ZKSCAN5: variants seen among roughly 807,000 people sequenced by gnomAD.
ZKSCAN5 encodes the protein zinc finger protein with KRAB and SCAN domains 5.
In ZKSCAN5, 28 loss-of-function variants were observed where a neutral mutation model predicts 60.0. The ratio of observed to expected loss-of-function variants is 0.47; its 90% confidence interval spans 0.35 to 0.64. The LOEUF is 0.64. Ranked by LOEUF, ZKSCAN5 falls within the 30% of genes least tolerant of loss-of-function variation. The pLI is 0.01. For synonymous variants in ZKSCAN5, 361 were observed against 371.2 expected (o/e 0.97, Z 0.31); for missense variants, 881 against 1,034.6 (o/e 0.85, Z 2.04).
Position 99,531,123 on chromosome 7 carries a change from G to A in ZKSCAN5, c.1394G>A (p.Ser465Asn), listed in dbSNP as rs115742971. 47 of 1,584,958 alleles carry A rather than the reference G, an allele frequency of 3.0e-5. No homozygotes were observed. In the African/African-American group the frequency reaches 5.1e-4, roughly 17 times the overall value. The change falls in exon 7 of 7, where the codon AGT (serine) becomes AAT (asparagine). Residue 465 changes from serine to asparagine, a missense_variant. Coordinates refer to ENST00000326775, the MANE Select transcript of ZKSCAN5 (RefSeq NM_145102.4). Reference protein sequence around the residue: ...EKSQRCSDKRSKNTKLSVKKK... With the variant: ...EKSQRCSDKRNKNTKLSVKKK... ...TTTTTTTTAGGCAGTGACAAAAGAA[G>A]TAAGAACACAAAATTAAGTGTTAAG...
chr7:99,507,595 G>GTATATA (rs1279388956), intron 2 of ZKSCAN5, among the ~76,000 whole-genome samples: 1 of 148,864 alleles, frequency 6.7e-6, no homozygotes, highest in East Asian at 1.9e-4. Flanking sequence ...ATGTGTGTGT[G>GTATATA]TATATATATA....
intron 6 of ZKSCAN5, among the ~76,000 whole-genome samples, chr7:99,528,004 C>G (rs538651151): frequency 6.6e-6 from 1 of 151,800 alleles, no homozygotes; most frequent in Non-Finnish European, 1.5e-5. Flanking sequence ...TTTTAAACAT[C>G]TGTTCAAATG....
chr7:99,517,706 G>T (rs920522381), intron 3 of ZKSCAN5, among the ~76,000 whole-genome samples: 14 of 151,934 alleles, frequency 9.2e-5, no homozygotes, highest in Admixed American at 5.9e-4. Flanking sequence ...AATTAGCCGG[G>T]TGTGGTGGTG....
At chr7:99,526,650 G>A (rs1801809246) in intron 6 of ZKSCAN5, among the ~76,000 whole-genome samples, 1 of 152,192 alleles carries the variant, frequency 6.6e-6, no homozygotes. Context: ...TGCCTCCCCG[G>A]TTCAAGCGAT....
At chr7:99,505,935 A>G in intron 1 of ZKSCAN5, 70 bp from the exon 2 acceptor site, 1 of 1,288,282 alleles carries the variant, frequency 7.8e-7, no homozygotes, top group South Asian at 1.4e-5. Context: ...TGCCCAATAC[A>G]TCAGTAGGTT....
chr7:99,526,859 C>T (rs1377461007), intron 6 of ZKSCAN5, among the ~76,000 whole-genome samples: 2 of 152,178 alleles, frequency 1.3e-5, no homozygotes, highest in Non-Finnish European at 2.9e-5. Context: ...TGGCTGTGCT[C>T]TCAGCTGTTA....
At chr7:99,508,578 G>A (rs539068959) in intron 2 of ZKSCAN5, among the ~76,000 whole-genome samples, 40 of 151,370 alleles carry the variant, frequency 2.6e-4, no homozygotes, top group Non-Finnish European at 4.4e-4. Context: ...GTGAAACCCC[G>A]TCTCTACTAA....
In ZKSCAN5 at chr7:99,533,813, C is replaced by CT; in HGVS notation, c.*1565dup. ...AAAGGCGTTTCCCAAATAAATCACA[C>CT]TGTCAATCACATGGTTCTGAATCCC... On this transcript the variant is annotated 3_prime_UTR_variant, in exon 7 of 7. Transcript: ENST00000326775. 2.5e-6 allele frequency: 1 copy of CT among 394,450 alleles called. No individual in the cohort carries two copies. The highest frequency in any genetic ancestry group is 3.6e-5 in the East Asian group (1 of 27,728). The allele number at this position is 394,450 out of a possible 1,614,324, so 24.4% of individuals were successfully genotyped here.
chr7:99,505,107 G>C (rs1800651156), intron 1 of ZKSCAN5: 1 of 152,090 alleles, frequency 6.6e-6, no homozygotes, highest in Non-Finnish European at 1.5e-5. Flanking sequence ...GGGTGGGCTG[G>C]GACTCGGGGC....
At chr7:99,519,353 T>C (rs2151106315) in intron 3 of ZKSCAN5, among the ~76,000 whole-genome samples, 1 of 151,518 alleles carries the variant, frequency 6.6e-6, no homozygotes, top group East Asian at 1.9e-4. Context: ...TCTTGGCTCA[T>C]TGCAACTTCT....
intron 3 of ZKSCAN5, among the ~76,000 whole-genome samples, chr7:99,517,967 T>A (rs1244244877): frequency 6.6e-6 from 1 of 152,186 alleles, no homozygotes; most frequent in Non-Finnish European, 1.5e-5. Context: ...TAAGAATTGT[T>A]TTGTCTATTC....
intron 2 of ZKSCAN5, among the ~76,000 whole-genome samples, chr7:99,509,044 A>T (rs1008567351): frequency 2.0e-4 from 30 of 152,022 alleles, no homozygotes; most frequent in African/African-American, 5.1e-4. Flanking sequence ...GCTGGAGTGC[A>T]GTGGTGCGAT....
intron 6 of ZKSCAN5, among the ~76,000 whole-genome samples, chr7:99,529,214 C>CA (rs1433626470): frequency 7.2e-5 from 11 of 152,140 alleles, no homozygotes; most frequent in Non-Finnish European, 1.0e-4. Context: ...GATCTCAACT[C>CA]ACTGCAGCTT....
intron 5 of ZKSCAN5, among the ~76,000 whole-genome samples, chr7:99,522,974 G>A (rs1029194127): frequency 1.3e-5 from 2 of 150,116 alleles, no homozygotes; most frequent in Non-Finnish European, 3.0e-5. Flanking sequence ...AGACCAGTCT[G>A]GGCAACATGG....
chr7:99,524,580 A>G (rs1027923254), intron 5 of ZKSCAN5, among the ~76,000 whole-genome samples: 1 of 152,206 alleles, frequency 6.6e-6, no homozygotes, highest in African/African-American at 2.4e-5. Flanking sequence ...CAGTGTTTTG[A>G]GTAAAGTATC....
rs1282595089 is a variant in ZKSCAN5, at chr7:99,527,851, A to AT, written c.1378+1442dup. On this transcript the variant is annotated intron_variant, in intron 6 of 6. Transcript: ENST00000326775. ...AGGCATTTGCCACCATACCTGGCTAATTTTTTTTTGTATTTTTAGTAGAGA... is the reference window on the plus strand; with the variant it reads ...AGGCATTTGCCACCATACCTGGCTAATTTTTTTTTTGTATTTTTAGTAGAGA... 1.3e-4 allele frequency among the ~76,000 whole-genome samples: 20 copies of AT among 150,936 alleles called. No homozygotes were observed. In the East Asian group the frequency reaches 1.4e-3, roughly 10 times the overall value.
rs1013803138 is a variant in ZKSCAN5 at position 99,532,522 on chromosome 7, G to A, written c.*273G>A. 8 of 310,140 alleles carry A rather than the reference G, an allele frequency of 2.6e-5. No individual in the cohort carries two copies. Among genetic ancestry groups the A allele is most frequent in the African/African-American group, 1.1e-4 (5 of 46,316 alleles). The allele number at this position is 310,140 out of a possible 1,614,324, so 19.2% of individuals were successfully genotyped here. On this transcript the variant is annotated 3_prime_UTR_variant, in exon 7 of 7. Coordinates refer to ENST00000326775, the MANE Select transcript of ZKSCAN5 (RefSeq NM_145102.4). ...ATGGATGGACATGGTCGAGGAATTC[G>A]GAAAGCCTGCAGTTGACATTCAGTC...
intron 2 of ZKSCAN5, 23 bp from the exon 3 acceptor site, chr7:99,512,430 T>C (rs950066384): frequency 1.9e-6 from 3 of 1,611,270 alleles, no homozygotes; most frequent in Middle Eastern, 1.6e-4. Flanking sequence ...ACTGTACTGA[T>C]CGGTTTTGGT....
At position 99,506,102 on chromosome 7, in the gene ZKSCAN5, C is replaced by T. The variant is rs761202914; in HGVS notation, c.58C>T (p.Gln20Ter). 3 of 1,614,112 alleles carry T rather than the reference C, an allele frequency of 1.9e-6. No homozygotes were observed. In the South Asian group the frequency reaches 3.3e-5, roughly 18 times the overall value. Residue 20 changes from glutamine (Q) to a stop codon, truncating the protein, a stop_gained, in exon 2 of 7, where the codon CAG (glutamine) becomes TAG (stop). Coordinates refer to ENST00000326775, the MANE Select transcript of ZKSCAN5 (RefSeq NM_145102.4). LOFTEE classifies it high-confidence loss of function. Reference sequence around the variant, plus strand: ...CTTAGACCCCCCAGCTGAGACTTCCCAGGAGCAGGAAGACCTTTTCATAGT... The same window carrying T: ...CTTAGACCCCCCAGCTGAGACTTCCTAGGAGCAGGAAGACCTTTTCATAGT... ...IDLDPPAETS[Q>*]EQEDLFIVKV...
Sources: allele counts gnomAD v4.1 joint callset (sites outside exome capture counted in the v4.1 genomes callset), GRCh38; gene constraint gnomAD v4.1.1; transcripts MANE v1.5; gene names NCBI Gene and HGNC (gene_info 2026-07-23, HGNC 2026-07-21).